FBXO42: variants seen among roughly 807,000 people sequenced by gnomAD.
The protein encoded by FBXO42 is F-box only protein 42.
In FBXO42, 12 loss-of-function variants were observed where a neutral mutation model predicts 71.7. The ratio of observed to expected loss-of-function variants is 0.17; its 90% CI spans 0.11 to 0.27. The LOEUF (loss-of-function observed/expected upper bound fraction) is 0.27, where lower values mean the gene tolerates loss of function less well. FBXO42 is among the 10% of genes least tolerant of loss of function. The pLI is 1.00. For missense variants in FBXO42, 707 were observed against 911.9 expected (o/e 0.78, Z 2.89); for synonymous variants, 325 against 327.5 (o/e 0.99, Z 0.08).
chr1:16,294,516 A>G (rs1174083007), intron 4 of FBXO42: 1 of 401,328 alleles, frequency 2.5e-6, no homozygotes, highest in Non-Finnish European at 4.6e-6. Context: ...CACCTGTATG[A>G]GTATACTTGA....
chr1:16,318,868 G>A (rs2082391842), intron 1 of FBXO42, among the ~76,000 whole-genome samples: 1 of 152,140 alleles, frequency 6.6e-6, no homozygotes, highest in Non-Finnish European at 1.5e-5. Context: ...GAAAGGGCAA[G>A]GCTCTAAATC....
At chr1:16,279,865 G>A (rs1238333193) in intron 4 of FBXO42, among the ~76,000 whole-genome samples, 1 of 33,364 alleles carries the variant, frequency 3.0e-5, no homozygotes, top group Non-Finnish European at 6.8e-5. Context: ...TTTTTTTTTT[G>A]AGACAGAGTC....
chr1:16,323,738 C>T (rs367900247), intron 1 of FBXO42, among the ~76,000 whole-genome samples: 2 of 137,824 alleles, frequency 1.5e-5, no homozygotes, highest in East Asian at 2.1e-4. Context: ...TGCAGTGAGC[C>T]GAGATCGTAC....
chr1:16,285,361 C>T (rs1045804485), intron 4 of FBXO42, among the ~76,000 whole-genome samples: 1 of 151,986 alleles, frequency 6.6e-6, no homozygotes, highest in Non-Finnish European at 1.5e-5. Context: ...GCAACCTCCG[C>T]CTCCTGGGTT....
intron 4 of FBXO42, chr1:16,294,094 T>C (rs11260720): frequency 0.35 from 53,068 of 152,036 alleles, 9,722 homozygotes; most frequent in African/African-American, 0.41. Flanking sequence ...TGCCAAAAAA[T>C]CTAGCAGAAT....
At chr1:16,262,041 G>C (rs1427019496) in intron 4 of FBXO42, among the ~76,000 whole-genome samples, 2 of 152,054 alleles carry the variant, frequency 1.3e-5, no homozygotes, top group African/African-American at 4.8e-5. Context: ...GTGACCCTGA[G>C]TGCCCATATA....
chr1:16,345,092 C>T (rs2082643520), intron 1 of FBXO42, among the ~76,000 whole-genome samples: 1 of 151,882 alleles, frequency 6.6e-6, no homozygotes, highest in African/African-American at 2.4e-5. Flanking sequence ...GAGTGAGACT[C>T]CGTCTCAAAA....
At chr1:16,261,078 G>T (rs1252013778) in intron 4 of FBXO42, among the ~76,000 whole-genome samples, 1 of 152,150 alleles carries the variant, frequency 6.6e-6, no homozygotes. Context: ...CTGAATAGTT[G>T]CCACAAACAA....
intron 1 of FBXO42, among the ~76,000 whole-genome samples, chr1:16,336,242 C>A (rs778408427): frequency 6.6e-6 from 1 of 151,696 alleles, no homozygotes; most frequent in Non-Finnish European, 1.5e-5. Context: ...CTGGCCTAAT[C>A]TTACTTTTTG....
At chr1:16,296,739 C>T (rs1295080662) in intron 3 of FBXO42, among the ~76,000 whole-genome samples, 2 of 151,766 alleles carry the variant, frequency 1.3e-5, no homozygotes, top group Non-Finnish European at 2.9e-5. Context: ...GATCATCTAG[C>T]ATATTTGTAG....
At chr1:16,286,012 G>A (rs71642003) in intron 4 of FBXO42, among the ~76,000 whole-genome samples, 7,447 of 151,970 alleles carry the variant, frequency 0.049, 240 homozygotes, top group South Asian at 0.072. Flanking sequence ...TCAGCCTTCC[G>A]AGCAGCTGGG....
chr1:16,303,941 C>T (rs1015967728), intron 3 of FBXO42, among the ~76,000 whole-genome samples: 7 of 151,650 alleles, frequency 4.6e-5, no homozygotes, highest in South Asian at 2.1e-4. Flanking sequence ...TTTTAAGAGA[C>T]GGGGTTTCAC....
intron 1 of FBXO42, among the ~76,000 whole-genome samples, chr1:16,341,275 C>A (rs2082602302): frequency 1.3e-5 from 2 of 152,116 alleles, no homozygotes. Flanking sequence ...ATGAGACAAC[C>A]CTTGGCAATT....
chr1:16,298,189 G>A (rs1170270357), intron 3 of FBXO42, among the ~76,000 whole-genome samples: 4 of 152,202 alleles, frequency 2.6e-5, no homozygotes, highest in Admixed American at 2.0e-4. Flanking sequence ...TTGCGCCACT[G>A]CACCCCAGCC....
intron 2 of FBXO42, among the ~76,000 whole-genome samples, chr1:16,313,545 G>C (rs1349845541): frequency 1.3e-5 from 2 of 152,148 alleles, no homozygotes; most frequent in Non-Finnish European, 2.9e-5. Flanking sequence ...CATCAACTCA[G>C]AATATAGAAG....
intron 1 of FBXO42, among the ~76,000 whole-genome samples, chr1:16,344,961 T>A (rs944920362): frequency 4.0e-5 from 6 of 150,286 alleles, no homozygotes; most frequent in African/African-American, 1.5e-4. Flanking sequence ...TAGCTGGGTG[T>A]GGTGGTGGGC....
intron 4 of FBXO42, among the ~76,000 whole-genome samples, chr1:16,279,384 C>T (rs1019994934): frequency 2.0e-5 from 3 of 152,144 alleles, no homozygotes; most frequent in African/African-American, 7.2e-5. Context: ...GAACTAGGAC[C>T]TATGACTGAG....
intron 4 of FBXO42, among the ~76,000 whole-genome samples, chr1:16,268,061 G>A (rs893581048): frequency 2.6e-5 from 4 of 152,012 alleles, no homozygotes; most frequent in African/African-American, 7.3e-5. Context: ...AATTTCTGAG[G>A]GAGGAGAGGA....
intron 1 of FBXO42, among the ~76,000 whole-genome samples, chr1:16,338,485 G>A (rs528693280): frequency 6.6e-6 from 1 of 151,416 alleles, no homozygotes; most frequent in South Asian, 2.1e-4. Flanking sequence ...CTGCTTTGAT[G>A]CTGGGCATTG....
Sources: gnomAD v4.1 joint callset for allele counts (sites outside exome capture counted in the v4.1 genomes callset) on GRCh38, gnomAD v4.1.1 for gene constraint, MANE v1.5 for transcripts, NCBI Gene and HGNC (gene_info 2026-07-23, HGNC 2026-07-21) for gene names.